The following CPT2 variants were observed in gnomAD, a reference collection of about 807,000 sequenced individuals.
CPT2 encodes carnitine palmitoyltransferase 2.
CPT2 carries 37 observed loss-of-function variants against 48.6 expected under a neutral mutation model. The ratio of observed to expected loss-of-function variants is 0.76; its 90% CI spans 0.59 to 1.00. The LOEUF (loss-of-function observed/expected upper bound fraction) is 1.00. Among genes scored for constraint, CPT2 ranks in the 50% least tolerant of loss-of-function variants. CPT2 has a pLI of 0.00. For synonymous variants in CPT2, 319 were observed against 326.9 expected (o/e 0.98, Z 0.26); for missense variants, 772 against 825.6 (o/e 0.94, Z 0.80).
chr1:53,198,201 C>A (rs973126116), intron 1 of CPT2, among the ~76,000 whole-genome samples: 1 of 152,178 alleles, frequency 6.6e-6, no homozygotes, highest in African/African-American at 2.4e-5. Context: ...CTCAAAGACC[C>A]TTCTCACCTT....
At chr1:53,208,847 T>G (rs1303569397) in intron 3 of CPT2, 2 of 152,224 alleles carry the variant, frequency 1.3e-5, no homozygotes, top group Non-Finnish European at 2.9e-5. Flanking sequence ...TATACTACTT[T>G]ACACCTACCA....
chr1:53,207,916 A>C (rs912606584), intron 3 of CPT2: 8 of 152,092 alleles, frequency 5.3e-5, no homozygotes, highest in African/African-American at 1.9e-4. Flanking sequence ...CTGCTGTGCA[A>C]ATCATATGAT....
chr1:53,210,526 C>T lies in CPT2; in HGVS notation c.852C>T (p.Pro284=), dbSNP rs138575554. The stretch of plus-strand genomic sequence containing the variant: ...TTCTCTCAGACAGCAGCCCCGCCCC[C>T]GAGTTTCCCCTGGCATACCTGACCA... ...KYILSDSSPA[P]EFPLAYLTSE... Residue 284 remains proline (P), a synonymous_variant, in exon 4 of 5, where the codon CCC becomes CCT. Transcript: ENST00000371486. 3.1e-5 allele frequency: 50 copies of T among 1,614,048 alleles called. No individual in the cohort carries two copies. The highest frequency in any genetic ancestry group is 2.0e-4 in the South Asian group (18 of 91,090).
rs569391696 is a variant in CPT2 at position 53,210,067 on chromosome 1, T to C, written c.393T>C (p.Phe131=). ...LSARDSVVLN[F]NPFMAFNPDP... Reference sequence around the variant, plus strand: ...CTCGAGACTCCGTTGTTCTGAACTTTAATCCATTTATGGCTTTCAATCCTG... The same window carrying C: ...CTCGAGACTCCGTTGTTCTGAACTTCAATCCATTTATGGCTTTCAATCCTG... Residue 131 remains phenylalanine (F), a synonymous_variant, in exon 4 of 5, where the codon TTT becomes TTC. Transcript: ENST00000371486. 1.2e-6 allele frequency: 2 copies of C among 1,614,212 alleles called. No individual in the cohort carries two copies. Among genetic ancestry groups the C allele is most frequent in the African/African-American group, 2.7e-5 (2 of 75,046 alleles).
At chr1:53,208,602 G>A (rs1389145867) in intron 3 of CPT2, 1 of 152,184 alleles carries the variant, frequency 6.6e-6, no homozygotes, top group East Asian at 1.9e-4. Flanking sequence ...GTACATAGAA[G>A]GACAATGAAG....
intron 3 of CPT2, among the ~76,000 whole-genome samples, chr1:53,205,079 G>A (rs1645379013): frequency 6.6e-6 from 1 of 152,218 alleles, no homozygotes; most frequent in Non-Finnish European, 1.5e-5. Flanking sequence ...CTGGTTAATA[G>A]GCAGAGGTTG....
At chr1:53,201,393 C>T (rs1311016136) in intron 2 of CPT2, 1 of 155,946 alleles carries the variant, frequency 6.4e-6, no homozygotes, top group African/African-American at 2.4e-5. Flanking sequence ...CCTGTGTCAA[C>T]AAGCCAAGGC....
Position 53,196,834 on chromosome 1 carries a change from C to T in CPT2, c.-110C>T, listed in dbSNP as rs369982767. The T allele has an allele frequency of 4.0e-5, 55 of 1,376,644 alleles. No homozygotes were observed. Among genetic ancestry groups the T allele is most frequent in the East Asian group, 1.8e-4 (7 of 38,206 alleles). The allele number at this position is 1,376,644 out of a possible 1,614,324, so 85.3% of individuals were successfully genotyped here. A position where few individuals can be genotyped will look rare whatever the true frequency, so the allele number is the denominator to read the frequency against. Reference sequence around the variant, plus strand: ...AAGTGGCCTGCGGGCGGAGAAGTGCCTCAGGAGTCCTGACGCAGTGTCTTG... The same window carrying T: ...AAGTGGCCTGCGGGCGGAGAAGTGCTTCAGGAGTCCTGACGCAGTGTCTTG... On this transcript the variant is annotated 5_prime_UTR_variant, in exon 1 of 5. Coordinates refer to ENST00000371486, the MANE Select transcript of CPT2 (RefSeq NM_000098.3).
rs1215700912 is a variant in CPT2, at chr1:53,196,905, C to T, written c.-39C>T. The stretch of plus-strand genomic sequence containing the variant: ...CCTTGTGTTTAGACTCCAGAACTCC[C>T]CACTTGCCGCGTTCTCGCCGCCGCA... On this transcript the variant is annotated 5_prime_UTR_variant, in exon 1 of 5. Transcript: ENST00000371486. 4 of 1,535,650 alleles carry T rather than the reference C, an allele frequency of 2.6e-6. No individual in the cohort carries two copies. In the African/African-American group the frequency reaches 5.6e-5, roughly 22 times the overall value.
chr1:53,210,635 G>A lies in CPT2; in HGVS notation c.961G>A (p.Ala321Thr). 1 of 1,614,138 alleles carries A rather than the reference G, an allele frequency of 6.2e-7. No homozygotes were observed. Among genetic ancestry groups the A allele is most frequent in the Middle Eastern group, 1.6e-4 (1 of 6,062 alleles). ...GGAGAGCCTGAGGAAAGTGGACTCG[G>A]CAGTGTTCTGTCTCTGCCTAGATGA... Reference protein sequence around the residue: ...NEESLRKVDSAVFCLCLDDFP... With the variant: ...NEESLRKVDSTVFCLCLDDFP... Residue 321 changes from alanine to threonine, a missense_variant, in exon 4 of 5, where the codon GCA becomes ACA. Transcript: ENST00000371486.
rs1237491140 is a variant in CPT2 at position 53,202,245 on chromosome 1, TA to T, written c.234-77del. 4 of 1,160,036 alleles carry T rather than the reference TA, an allele frequency of 3.4e-6. No individual in the cohort carries two copies. In the African/African-American group the frequency reaches 6.1e-5, roughly 18 times the overall value. The allele number at this position is 1,160,036 out of a possible 1,614,324, so 71.9% of individuals were successfully genotyped here. A position where few individuals can be genotyped will look rare whatever the true frequency, so the allele number is the denominator to read the frequency against. On this transcript the variant is annotated intron_variant, in intron 2 of 4. Transcript: ENST00000371486. ...TGCTGTTGGGGACCCAAAACTCTAT[TA>T]TGAGTTCCTCGCCATGAACCTAAAA...
In CPT2 at chr1:53,210,245, C is replaced by G; in HGVS notation, c.571C>G (p.Leu191Val). 1 of 1,614,198 alleles carries G rather than the reference C, an allele frequency of 6.2e-7. No homozygotes were observed. The highest frequency in any genetic ancestry group is 1.1e-5 in the South Asian group (1 of 91,084). Residue 191 changes from leucine (L) to valine (V), a missense_variant, in exon 4 of 5, where the codon CTC (leucine) becomes GTC (valine). Coordinates refer to ENST00000371486, the MANE Select transcript of CPT2 (RefSeq NM_000098.3). Reference sequence around the variant, plus strand: ...AAGTGACACTATCACCTTCAAGAGACTCATACGCTTTGTGCCTTCCTCTCT... The same window carrying G: ...AAGTGACACTATCACCTTCAAGAGAGTCATACGCTTTGTGCCTTCCTCTCT... ...AKSDTITFKR[L>V]IRFVPSSLSW...
At chr1:53,203,723 T>C (rs1645368098) in intron 3 of CPT2, 1 of 152,144 alleles carries the variant, frequency 6.6e-6, no homozygotes, top group South Asian at 2.1e-4. Flanking sequence ...CTCTCTCTCA[T>C]GTTGGGACTC....
chr1:53,209,763 C>T (rs897920847), intron 3 of CPT2: 9 of 471,792 alleles, frequency 1.9e-5, no homozygotes, highest in African/African-American at 7.9e-5. Flanking sequence ...GCGACAGGAG[C>T]GAGCCTCCGT....
chr1:53,212,631 C>G (rs1371790773), intron 4 of CPT2: 1 of 397,832 alleles, frequency 2.5e-6, no homozygotes, highest in Non-Finnish European at 4.4e-6. Context: ...AAGCTCTTCT[C>G]AATTGTCATC....
intron 4 of CPT2, chr1:53,212,710 T>C: frequency 2.5e-6 from 1 of 404,794 alleles, no homozygotes. Flanking sequence ...TGTCCTTTCA[T>C]GTTGCTATGA....
Position 53,213,481 on chromosome 1 carries a change from A to G in CPT2, c.1863A>G (p.Ile621Met). 1 of 1,614,230 alleles carries G rather than the reference A, an allele frequency of 6.2e-7. No individual in the cohort carries two copies. Among genetic ancestry groups the G allele is most frequent in the Non-Finnish European group, 8.5e-7 (1 of 1,180,034 alleles). Reference protein sequence around the residue: ...GVGYAVHDNWIGCNVSSYPGR... With the variant: ...GVGYAVHDNWMGCNVSSYPGR... ...GGTATGCTGTTCATGACAACTGGAT[A>G]GGCTGCAATGTCTCTTCCTACCCAG... The change falls in exon 5 of 5, where the codon ATA becomes ATG. Residue 621 changes from isoleucine (I) to methionine (M), a missense_variant. By Grantham distance (10) the Ile-to-Met change is conservative (BLOSUM62 1). Coordinates refer to ENST00000371486, the MANE Select transcript of CPT2 (RefSeq NM_000098.3).
At chr1:53,197,615 C>T (rs1406455292) in intron 1 of CPT2, 2 of 231,282 alleles carry the variant, frequency 8.6e-6, no homozygotes, top group South Asian at 4.7e-5. Context: ...TTCTCCAGTA[C>T]TCTGTTCTTT....
Position 53,196,837 on chromosome 1 carries a change from A to AGGAGTCCTGACGCAGTGTC in CPT2, c.-106_-88dup, listed in dbSNP as rs1553168834. On this transcript the variant is annotated 5_prime_UTR_variant, in exon 1 of 5. Transcript: ENST00000371486. ...TGGCCTGCGGGCGGAGAAGTGCCTCAGGAGTCCTGACGCAGTGTCTTGGGC... is the reference window on the plus strand; with the variant it reads ...TGGCCTGCGGGCGGAGAAGTGCCTCAGGAGTCCTGACGCAGTGTCGGAGTCCTGACGCAGTGTCTTGGGC... 115 of 1,402,978 alleles carry AGGAGTCCTGACGCAGTGTC rather than the reference A, an allele frequency of 8.2e-5. No individual in the cohort carries two copies. The highest frequency in any genetic ancestry group is 1.5e-5 in the African/African-American group (1 of 68,020). The allele number at this position is 1,402,978 out of a possible 1,614,324, so 86.9% of individuals were successfully genotyped here.
Sources: allele counts gnomAD v4.1 joint callset (sites outside exome capture counted in the v4.1 genomes callset), GRCh38; gene constraint gnomAD v4.1.1; transcripts MANE v1.5; gene names NCBI Gene and HGNC (gene_info 2026-07-23, HGNC 2026-07-21).